The following ARHGEF26 variants were observed in gnomAD, a reference collection of about 807,000 sequenced individuals.
ARHGEF26 encodes Rho guanine nucleotide exchange factor 26, also known as Rho guanine nucleotide exchange factor (GEF) 26.
Under a neutral mutation model 89.4 loss-of-function variants are expected in ARHGEF26, and 59 were observed. That is an observed-to-expected ratio of 0.66 (90% CI 0.54 to 0.82). The LOEUF (loss-of-function observed/expected upper bound fraction) is 0.82, where lower values mean the gene tolerates loss of function less well. Ranked by LOEUF, ARHGEF26 falls within the 40% of genes least tolerant of loss-of-function variation. The pLI is 0.00. For missense variants in ARHGEF26, 1,234 were observed against 1,085.6 expected (o/e 1.14, Z -1.92); for synonymous variants, 500 against 428.4 (o/e 1.17, Z -2.06).
chr3:154,239,299 A>AGTGTGTGGGT, intron 11 of ARHGEF26, among the ~76,000 whole-genome samples: 1 of 64,256 alleles, frequency 1.6e-5, no homozygotes, highest in South Asian at 7.4e-4. Flanking sequence ...AGAGAGAGAG[A>AGTGTGTGGGT]GTGTGTGTGT....
chr3:154,256,162 AC>A lies in ARHGEF26; in HGVS notation c.*691del, dbSNP rs1559933483. ...TTCTTAAATAAGTATAGACTAATTA[AC>A]CTAAGCTACCTTTAACAACGTAGAA... On this transcript the variant is annotated 3_prime_UTR_variant, in exon 15 of 15. Transcript: ENST00000465093. 2 of 985,488 alleles carry A rather than the reference AC, an allele frequency of 2.0e-6. No homozygotes were observed. Among genetic ancestry groups the A allele is most frequent in the Non-Finnish European group, 2.4e-6 (2 of 829,736 alleles). The allele number at this position is 985,488 out of a possible 1,614,324, so 61.0% of individuals were successfully genotyped here.
At chr3:154,139,970 T>A (rs1719256475) in intron 4 of ARHGEF26, among the ~76,000 whole-genome samples, 1 of 152,206 alleles carries the variant, frequency 6.6e-6, no homozygotes, top group African/African-American at 2.4e-5. Flanking sequence ...AATAAGCCTA[T>A]CCAACTATAA....
At chr3:154,244,599 T>C (rs1369790436) in intron 12 of ARHGEF26, among the ~76,000 whole-genome samples, 1 of 152,108 alleles carries the variant, frequency 6.6e-6, no homozygotes, top group East Asian at 1.9e-4. Context: ...TCTTTTTGAC[T>C]CTCAAAAGGT....
At chr3:154,123,486 G>A (rs186500473) in intron 2 of ARHGEF26, among the ~76,000 whole-genome samples, 1 of 152,298 alleles carries the variant, frequency 6.6e-6, no homozygotes, top group East Asian at 1.9e-4. Flanking sequence ...TGTTATCACA[G>A]CTGATTCAGA....
At chr3:154,134,695 T>A (rs1405800542) in intron 4 of ARHGEF26, among the ~76,000 whole-genome samples, 3 of 152,126 alleles carry the variant, frequency 2.0e-5, no homozygotes, top group African/African-American at 4.8e-5. Context: ...CCATTTAGTA[T>A]GATGTTGGTG....
At chr3:154,168,078 T>G (rs1382851158) in intron 6 of ARHGEF26, among the ~76,000 whole-genome samples, 1 of 152,234 alleles carries the variant, frequency 6.6e-6, no homozygotes, top group African/African-American at 2.4e-5. Flanking sequence ...TCTTTCACTT[T>G]GTTCTGTGAT....
chr3:154,222,973 A>G (rs1293122816), intron 10 of ARHGEF26, among the ~76,000 whole-genome samples: 1 of 152,228 alleles, frequency 6.6e-6, no homozygotes, highest in Admixed American at 6.5e-5. Context: ...CACTAAACCA[A>G]GAAGATCGAA....
At chr3:154,207,145 A>G (rs2108224194) in intron 9 of ARHGEF26, among the ~76,000 whole-genome samples, 1 of 152,374 alleles carries the variant, frequency 6.6e-6, no homozygotes. Context: ...CCTTAAAACT[A>G]TAAAACCCTG....
intron 4 of ARHGEF26, among the ~76,000 whole-genome samples, chr3:154,133,637 T>C (rs911569828): frequency 3.3e-5 from 5 of 151,968 alleles, no homozygotes; most frequent in African/African-American, 1.2e-4. Flanking sequence ...TGAAGTCAGG[T>C]AGTGTGATGC....
chr3:154,254,859 C>A (rs1027605206), intron 14 of ARHGEF26, 35 bp downstream of exon 14: 1 of 1,573,252 alleles, frequency 6.4e-7, no homozygotes, highest in Non-Finnish European at 8.7e-7. Context: ...CACTCGTGGT[C>A]CAGGATGCAG....
At chr3:154,131,165 A>T (rs1400067980) in intron 4 of ARHGEF26, among the ~76,000 whole-genome samples, 3 of 152,180 alleles carry the variant, frequency 2.0e-5, no homozygotes, top group Non-Finnish European at 4.4e-5. Flanking sequence ...ATGCTGGTAT[A>T]TGTAGGTGAT....
At chr3:154,123,430 A>T (rs1394465779) in intron 2 of ARHGEF26, among the ~76,000 whole-genome samples, 1 of 152,196 alleles carries the variant, frequency 6.6e-6, no homozygotes, top group African/African-American at 2.4e-5. Context: ...CGCACTCTGC[A>T]GTCAAGTTGT....
intron 6 of ARHGEF26, among the ~76,000 whole-genome samples, chr3:154,183,946 CT>C (rs1455807571): frequency 1.3e-5 from 2 of 150,398 alleles, no homozygotes; most frequent in Admixed American, 6.6e-5. Flanking sequence ...TTATAACGGC[CT>C]TATGGTTTCT....
chr3:154,242,902 CT>C (rs757164297), intron 12 of ARHGEF26, among the ~76,000 whole-genome samples: 6 of 152,152 alleles, frequency 3.9e-5, no homozygotes, highest in Admixed American at 6.5e-5. Flanking sequence ...AGTTCTTCCC[CT>C]AAAGGTGCTG....
intron 6 of ARHGEF26, among the ~76,000 whole-genome samples, chr3:154,154,288 A>T (rs1450863361): frequency 1.3e-5 from 2 of 152,176 alleles, no homozygotes; most frequent in East Asian, 3.9e-4. Context: ...TTCCCCAAAG[A>T]GCTCTGGTGT....
At chr3:154,144,433 G>T (rs74432134) in intron 4 of ARHGEF26, among the ~76,000 whole-genome samples, 2,633 of 152,310 alleles carry the variant, frequency 0.017, 58 homozygotes, top group South Asian at 0.044. Flanking sequence ...GGTAGTTTGA[G>T]AAATAAATTG....
At chr3:154,180,138 T>C (rs1176412027) in intron 6 of ARHGEF26, among the ~76,000 whole-genome samples, 5 of 152,318 alleles carry the variant, frequency 3.3e-5, no homozygotes, top group Admixed American at 2.0e-4. Flanking sequence ...CCCTCTCTTA[T>C]AAGGACCTCT....
chr3:154,139,795 C>G (rs1408918925), intron 4 of ARHGEF26, among the ~76,000 whole-genome samples: 1 of 152,118 alleles, frequency 6.6e-6, no homozygotes, highest in South Asian at 2.1e-4. Flanking sequence ...TGTTAATTCT[C>G]TAGATTATTA....
intron 9 of ARHGEF26, among the ~76,000 whole-genome samples, chr3:154,203,978 T>C (rs949841320): frequency 2.0e-5 from 3 of 152,112 alleles, no homozygotes; most frequent in Non-Finnish European, 4.4e-5. Flanking sequence ...TGTGTCTTTG[T>C]CTGGTTTTGG....
Sources: allele counts gnomAD v4.1 joint callset (sites outside exome capture counted in the v4.1 genomes callset), GRCh38; gene constraint gnomAD v4.1.1; transcripts MANE v1.5; gene names NCBI Gene and HGNC (gene_info 2026-07-23, HGNC 2026-07-21).